The following CLEC9A variants were observed in gnomAD, a reference collection of about 807,000 sequenced individuals.
CLEC9A encodes the protein C-type lectin domain family 9 member A.
In CLEC9A, 24 loss-of-function variants were observed where a neutral mutation model predicts 30.0. The observed-to-expected ratio is 0.80, with a 90% CI of 0.58 to 1.13. The LOEUF is 1.13. Ranked by LOEUF, CLEC9A falls within the 50% of genes most tolerant of loss-of-function variation. The pLI is 0.00. For missense variants in CLEC9A, 251 were observed against 280.9 expected, an observed-to-expected ratio of 0.89 and a Z score of 0.76; for synonymous variants, 111 against 96.8, an observed-to-expected ratio of 1.15 and a Z score of -0.86.
chr12:10,037,322 G>A (rs897080971), intron 1 of CLEC9A, among the ~76,000 whole-genome samples: 1 of 152,074 alleles, frequency 6.6e-6, no homozygotes, highest in African/African-American at 2.4e-5. Flanking sequence ...TTATTTACCT[G>A]CATTTGTATA....
In CLEC9A at chr12:10,064,952, C is replaced by T; in HGVS notation, c.593+99C>T. On this transcript the variant is annotated intron_variant, in intron 8 of 8. Transcript: ENST00000355819. ...CCATGAATTTTCTCCAAGGGACAAG[C>T]AGCATGATAATGTTACAGGCGGCTA... 1.1e-5 allele frequency: 16 copies of T among 1,399,530 alleles called. No individual in the cohort carries two copies. The South Asian group carries it at 2.4e-4, about 21-fold the overall frequency. The allele number at this position is 1,399,530 out of a possible 1,614,324, so 86.7% of individuals were successfully genotyped here.
chr12:10,065,160 C>G (rs1486438300), intron 8 of CLEC9A, among the ~76,000 whole-genome samples: 1 of 152,062 alleles, frequency 6.6e-6, no homozygotes, highest in Admixed American at 6.6e-5. Flanking sequence ...CTATTTATTT[C>G]CACATTAAGC....
At chr12:10,038,145 A>G (rs1865759346) in intron 1 of CLEC9A, among the ~76,000 whole-genome samples, 2 of 152,208 alleles carry the variant, frequency 1.3e-5, no homozygotes, top group Admixed American at 1.3e-4. Context: ...TTGGGATTTT[A>G]ATTTTTTTTA....
chr12:10,052,436 A>G (rs541719339), intron 3 of CLEC9A, 194 bp from the exon 4 acceptor site: 6 of 1,073,882 alleles, frequency 5.6e-6, no homozygotes, highest in South Asian at 6.1e-5. Context: ...AAAATGTTCT[A>G]TCATTGGCCA....
intron 2 of CLEC9A, among the ~76,000 whole-genome samples, chr12:10,046,234 A>C (rs996427335): frequency 1.2e-4 from 18 of 152,238 alleles, no homozygotes. Context: ...CAGAAACTTT[A>C]CAAGAACAGG....
chr12:10,032,608 G>T (rs1324085315), intron 1 of CLEC9A, among the ~76,000 whole-genome samples: 2 of 151,866 alleles, frequency 1.3e-5, no homozygotes, highest in Admixed American at 1.3e-4. Context: ...AGCCAGGATG[G>T]TCTCGATCTC....
chr12:10,055,576 CAT>C (rs1865934728), intron 5 of CLEC9A, among the ~76,000 whole-genome samples: 1 of 152,058 alleles, frequency 6.6e-6, no homozygotes, highest in Admixed American at 6.6e-5. Flanking sequence ...TAAAACTTAA[CAT>C]ATAAAATCAT....
chr12:10,057,962 A>C (rs1865957822), intron 5 of CLEC9A, among the ~76,000 whole-genome samples: 1 of 152,156 alleles, frequency 6.6e-6, no homozygotes, highest in Non-Finnish European at 1.5e-5. Flanking sequence ...ATCATATAAC[A>C]AATAATTTTA....
chr12:10,065,665 G>A lies in CLEC9A; in HGVS notation c.*33G>A. The A allele has an allele frequency of 6.2e-7, 1 of 1,606,600 alleles. No homozygotes were observed. The highest frequency in any genetic ancestry group is 1.1e-5 in the South Asian group (1 of 90,368). On this transcript the variant is annotated 3_prime_UTR_variant, in exon 9 of 9. Transcript: ENST00000355819. ...TGTGTTCAAAGTGTTCTATTACACT[G>A]TTATTTGGAGCATGCCATTGGAAAA...
At chr12:10,049,570 C>G (rs1178457070) in intron 2 of CLEC9A, among the ~76,000 whole-genome samples, 1 of 152,238 alleles carries the variant, frequency 6.6e-6, no homozygotes, top group Non-Finnish European at 1.5e-5. Context: ...TTTGCCGCTT[C>G]ATCTTTCGTT....
chr12:10,034,960 C>A (rs539265187), intron 1 of CLEC9A, among the ~76,000 whole-genome samples: 2 of 152,168 alleles, frequency 1.3e-5, no homozygotes, highest in Admixed American at 1.3e-4. Flanking sequence ...TCAGATCACA[C>A]GTGGGCTTGG....
intron 1 of CLEC9A, among the ~76,000 whole-genome samples, chr12:10,036,726 G>C (rs1053138008): frequency 6.6e-6 from 1 of 152,102 alleles, no homozygotes; most frequent in Non-Finnish European, 1.5e-5. Flanking sequence ...ATAGATAATA[G>C]AGTCTATGAA....
chr12:10,054,502 GA>G, intron 5 of CLEC9A, 151 bp downstream of exon 5: 1 of 589,934 alleles, frequency 1.7e-6, no homozygotes, highest in South Asian at 2.4e-5. Flanking sequence ...AGAACTCTCT[GA>G]GCACTTGGAT....
At chr12:10,054,482 A>G in intron 5 of CLEC9A, 131 bp downstream of exon 5, 1 of 615,766 alleles carries the variant, frequency 1.6e-6, no homozygotes, top group Non-Finnish European at 2.7e-6. Flanking sequence ...TCAAATTTCA[A>G]TCATTTGATA....
intron 5 of CLEC9A, chr12:10,060,768 T>A: frequency 4.5e-6 from 1 of 222,128 alleles, no homozygotes; most frequent in South Asian, 6.1e-5. Flanking sequence ...TGTTACCATT[T>A]GTGTTAAGGG....
At chr12:10,056,936 A>T (rs989277536) in intron 5 of CLEC9A, among the ~76,000 whole-genome samples, 11 of 152,140 alleles carry the variant, frequency 7.2e-5, no homozygotes, top group Admixed American at 7.2e-4. Flanking sequence ...ACAAAACTTA[A>T]ATATCACTGT....
intron 1 of CLEC9A, 32 bp from the exon 2 acceptor site, chr12:10,041,434 A>G: frequency 2.7e-6 from 1 of 370,920 alleles, no homozygotes; most frequent in Non-Finnish European, 5.3e-6. Flanking sequence ...ATTTAAAAAC[A>G]ACAACAACAT....
At chr12:10,052,299 C>T (rs1001582438) in intron 3 of CLEC9A, 1 of 170,428 alleles carries the variant, frequency 5.9e-6, no homozygotes, top group African/African-American at 2.4e-5. Context: ...TATATCTTCA[C>T]TATCTAGGTC....
rs777432695 is a variant in CLEC9A at position 10,063,147 on chromosome 12, CAA to C, written c.413_414del (p.Gln138ArgfsTer30). 3 of 1,611,542 alleles carry C rather than the reference CAA, an allele frequency of 1.9e-6. No individual in the cohort carries two copies. The highest frequency in any genetic ancestry group is 1.7e-6 in the Non-Finnish European group (2 of 1,179,124). ...SEIWSIWHTS[Q>X]ENCLKEGSTL... is the part of the protein sequence containing the mutation. ...AATTTGGAGCATTTGGCACACCAGT[CAA>C]GAGAATTGTTTAAAGGAAGGTTCCA... On this transcript the variant is annotated frameshift_variant, in exon 7 of 9. Coordinates refer to ENST00000355819, the MANE Select transcript of CLEC9A (RefSeq NM_207345.4). LOFTEE classifies it high-confidence loss of function.
Sources: gnomAD v4.1 joint callset for allele counts (sites outside exome capture counted in the v4.1 genomes callset) on GRCh38, gnomAD v4.1.1 for gene constraint, MANE v1.5 for transcripts, NCBI Gene and HGNC (gene_info 2026-07-23, HGNC 2026-07-21) for gene names.